The following PINX1 variants were observed in gnomAD, a reference collection of about 807,000 sequenced individuals.
The protein encoded by PINX1 is PIN2 (TERF1) interacting telomerase inhibitor 1, also known as PIN2/TERF1-interacting telomerase inhibitor 1.
In PINX1, 34 loss-of-function variants were observed where a neutral mutation model predicts 25.4. That is an observed-to-expected ratio of 1.34 (90% CI 1.02 to 1.78). The LOEUF (loss-of-function observed/expected upper bound fraction) is 1.78. Among genes scored for constraint, PINX1 ranks in the 40% most tolerant of loss-of-function variants. The pLI is 0.00. For missense variants in PINX1, 592 were observed against 404.9 expected (o/e 1.46, Z -3.97); for synonymous variants, 197 against 147.7 (o/e 1.33, Z -2.42).
intron 6 of PINX1, among the ~76,000 whole-genome samples, chr8:10,789,013 A>G (rs1801839071): frequency 6.6e-6 from 1 of 151,856 alleles, no homozygotes; most frequent in African/African-American, 2.4e-5. Context: ...GGGATTGAAG[A>G]GCAGAGCCCT....
intron 1 of PINX1, among the ~76,000 whole-genome samples, chr8:10,838,896 A>C (rs1563243940): frequency 6.6e-6 from 1 of 152,154 alleles, no homozygotes; most frequent in South Asian, 2.1e-4. Context: ...TTGTGCTCCT[A>C]AGTCCTCCAC....
chr8:10,814,995 G>C (rs181470199), intron 6 of PINX1, among the ~76,000 whole-genome samples: 1 of 152,106 alleles, frequency 6.6e-6, no homozygotes, highest in Admixed American at 6.6e-5. Flanking sequence ...GCTGGAGTGC[G>C]ATGGCGTGAT....
At chr8:10,803,935 A>G (rs918105782) in intron 6 of PINX1, among the ~76,000 whole-genome samples, 1 of 152,232 alleles carries the variant, frequency 6.6e-6, no homozygotes, top group African/African-American at 2.4e-5. Flanking sequence ...TCAACCTGCA[A>G]TGTAAAACTA....
intron 1 of PINX1, among the ~76,000 whole-genome samples, chr8:10,835,789 G>A (rs1349706215): frequency 6.6e-6 from 1 of 152,170 alleles, no homozygotes; most frequent in Admixed American, 6.5e-5. Context: ...AAGGAGGAAA[G>A]AAGAGGGAGA....
intron 4 of PINX1, among the ~76,000 whole-genome samples, chr8:10,830,218 G>A (rs1798186431): frequency 1.3e-5 from 2 of 152,142 alleles, no homozygotes; most frequent in South Asian, 2.1e-4. Context: ...TCAAAATCAT[G>A]ATCCTATGGA....
chr8:10,804,911 C>T (rs1281260908), intron 6 of PINX1, among the ~76,000 whole-genome samples: 2 of 151,902 alleles, frequency 1.3e-5, no homozygotes, highest in African/African-American at 4.8e-5. Flanking sequence ...GTGACCCTGC[C>T]TATACTTTAA....
intron 6 of PINX1, among the ~76,000 whole-genome samples, chr8:10,795,343 T>G (rs1802052879): frequency 6.6e-6 from 1 of 152,184 alleles, no homozygotes; most frequent in Non-Finnish European, 1.5e-5. Context: ...AAAGGGTCCT[T>G]TCTAAAGATG....
intron 6 of PINX1, among the ~76,000 whole-genome samples, chr8:10,818,713 C>T (rs961436859): frequency 1.3e-5 from 2 of 151,808 alleles, no homozygotes; most frequent in Admixed American, 1.3e-4. Context: ...ATGGGAGGGA[C>T]GTGGAGTTGA....
chr8:10,780,230 T>G (rs1030744991), intron 6 of PINX1, among the ~76,000 whole-genome samples: 13 of 152,204 alleles, frequency 8.5e-5, no homozygotes, highest in African/African-American at 3.1e-4. Flanking sequence ...TGACTGCTCT[T>G]AATAGTACTT....
At chr8:10,820,153 G>C (rs772006094) in intron 6 of PINX1, 40 bp downstream of exon 6, 14 of 1,236,890 alleles carry the variant, frequency 1.1e-5, no homozygotes, top group African/African-American at 2.9e-5. Flanking sequence ...AAATCAGACA[G>C]TATTAAAGCG....
intron 6 of PINX1, among the ~76,000 whole-genome samples, chr8:10,795,101 G>C (rs1355266812): frequency 2.0e-5 from 3 of 152,174 alleles, no homozygotes; most frequent in African/African-American, 7.2e-5. Flanking sequence ...AAAGCTTCTT[G>C]ACTTTATAAA....
Position 10,839,744 on chromosome 8 carries a change from C to T in PINX1, c.13G>A (p.Ala5Thr), listed in dbSNP as rs373290895. Residue 5 changes from alanine (A) to threonine (T), a missense_variant, in exon 1 of 7, where the codon GCT becomes ACT. By Grantham distance (58) the Ala-to-Thr change is moderately conservative. Coordinates refer to ENST00000314787, the MANE Select transcript of PINX1 (RefSeq NM_017884.6). MSML[A>T]ERRRKQKWAV... ...CTCCGCTTCCGACACTCACGTTCAGCCAGCATAGACATGTCGGAGAGCCTG... is the reference window on the plus strand; with the variant it reads ...CTCCGCTTCCGACACTCACGTTCAGTCAGCATAGACATGTCGGAGAGCCTG... The T allele has an allele frequency of 2.5e-6, 4 of 1,605,620 alleles. No homozygotes were observed. The highest frequency in any genetic ancestry group is 1.7e-5 in the Admixed American group (1 of 59,278).
intron 6 of PINX1, among the ~76,000 whole-genome samples, chr8:10,791,215 AT>A: frequency 6.6e-6 from 1 of 152,210 alleles, no homozygotes; most frequent in Non-Finnish European, 1.5e-5. Flanking sequence ...CCCAGCCAAA[AT>A]CCCCCCTTTT....
chr8:10,797,393 A>G (rs1426886137), intron 6 of PINX1, among the ~76,000 whole-genome samples: 2 of 152,242 alleles, frequency 1.3e-5, no homozygotes, highest in African/African-American at 4.8e-5. Context: ...TACTGCACTT[A>G]GCTCAAGCCT....
chr8:10,816,739 C>G (rs1797709302), intron 6 of PINX1, among the ~76,000 whole-genome samples: 1 of 152,246 alleles, frequency 6.6e-6, no homozygotes, highest in Non-Finnish European at 1.5e-5. Flanking sequence ...TAACCCCCTT[C>G]AATGTAGATT....
At chr8:10,798,267 T>A (rs772471572) in intron 6 of PINX1, among the ~76,000 whole-genome samples, 2 of 152,072 alleles carry the variant, frequency 1.3e-5, no homozygotes, top group Non-Finnish European at 2.9e-5. Context: ...CATACTCACA[T>A]GTGTGCTGCT....
intron 6 of PINX1, among the ~76,000 whole-genome samples, chr8:10,789,415 G>C (rs1468069035): frequency 6.6e-6 from 1 of 152,192 alleles, no homozygotes; most frequent in East Asian, 1.9e-4. Flanking sequence ...ACTTCTCACA[G>C]TTACCTTTGG....
intron 6 of PINX1, among the ~76,000 whole-genome samples, chr8:10,812,799 C>T (rs1797572486): frequency 6.6e-6 from 1 of 151,978 alleles, no homozygotes; most frequent in African/African-American, 2.4e-5. Context: ...CAAGTGGGCA[C>T]AGCCTCCCTG....
At chr8:10,833,052 C>A in intron 2 of PINX1, 68 bp from the exon 3 acceptor site, 1 of 950,942 alleles carries the variant, frequency 1.1e-6, no homozygotes, top group Non-Finnish European at 1.6e-6. Context: ...AGCACTGCTA[C>A]AAAACTCACA....
Sources: gnomAD v4.1 joint callset for allele counts (sites outside exome capture counted in the v4.1 genomes callset) on GRCh38, gnomAD v4.1.1 for gene constraint, MANE v1.5 for transcripts, NCBI Gene and HGNC (gene_info 2026-07-23, HGNC 2026-07-21) for gene names.